The following KCNQ1 variants were observed in gnomAD, a reference collection of about 807,000 sequenced individuals.
KCNQ1 encodes potassium voltage-gated channel subfamily Q member 1.
KCNQ1 carries 49 observed loss-of-function variants against 72.4 expected under a neutral mutation model. The observed-to-expected ratio is 0.68, with a 90% CI of 0.54 to 0.86. The LOEUF (loss-of-function observed/expected upper bound fraction) is 0.86, where lower values mean the gene tolerates loss of function less well. Ranked by LOEUF, KCNQ1 falls within the 40% of genes least tolerant of loss-of-function variation. The pLI is 0.00. For synonymous variants in KCNQ1, 450 were observed against 412.6 expected (o/e 1.09, Z -1.10); for missense variants, 790 against 945.1 (o/e 0.84, Z 2.15).
Position 2,766,830 on chromosome 11 carries a change from T to C in KCNQ1, c.1515-2014T>C, listed in dbSNP as rs1846506485. On this transcript the variant is annotated intron_variant, in intron 11 of 15. Coordinates refer to ENST00000155840, the MANE Select transcript of KCNQ1 (RefSeq NM_000218.3). The surrounding 1 kb of genome is among the most constrained non-coding windows in gnomAD (Gnocchi z 4.4). ...TTACCTATTTCTTAGTCCTTATTTCTGTATCAGTTACCTATTGTTGCGTAG... is the reference window on the plus strand; with the variant it reads ...TTACCTATTTCTTAGTCCTTATTTCCGTATCAGTTACCTATTGTTGCGTAG... Among the ~76,000 whole-genome samples, 1 of 152,250 alleles carries C rather than the reference T, an allele frequency of 6.6e-6. No individual in the cohort carries two copies.
rs231342 is a variant in KCNQ1 at position 2,657,637 on chromosome 11, A to G, written c.1394-4324A>G. The G allele has an allele frequency of 0.11, 43,347 of 398,546 alleles. 2,613 individuals are homozygous for G. The highest frequency in any genetic ancestry group is 0.16 in the Middle Eastern group (253 of 1,588). The allele number at this position is 398,546 out of a possible 1,614,324, so 24.7% of individuals were successfully genotyped here. ...ATTGGTACACTATTAAGCTAGAGTT[A>G]TAAATTTATTTGGATTTCCCCAGTT... is the stretch of plus-strand genomic sequence containing the variant. On this transcript the variant is annotated intron_variant, in intron 10 of 15. Coordinates refer to ENST00000155840, the MANE Select transcript of KCNQ1 (RefSeq NM_000218.3). This position sits in a 1 kb window ranked among gnomAD's most constrained non-coding sequence, Gnocchi z 4.8.
chr11:2,620,219 T>A lies in KCNQ1; in HGVS notation c.1393+31365T>A, dbSNP rs186335747. On this transcript the variant is annotated intron_variant, in intron 10 of 15. Coordinates refer to ENST00000155840, the MANE Select transcript of KCNQ1 (RefSeq NM_000218.3). The surrounding 1 kb of genome is among the most constrained non-coding windows in gnomAD (Gnocchi z 4.5). ...TTCATGTATATATATATATTTTTTT[T>A]TTTTATTTTTTTTTTAGACGGAGTT... 3.2e-3 allele frequency: 881 copies of A among 274,350 alleles called. 3 individuals are homozygous for A. The highest frequency in any genetic ancestry group is 4.0e-3 in the Non-Finnish European group (610 of 153,776). The allele number at this position is 274,350 out of a possible 1,614,324, so 17.0% of individuals were successfully genotyped here. A position where few individuals can be genotyped will look rare whatever the true frequency, so the allele number is the denominator to read the frequency against.
chr11:2,702,951 C>T (rs570526683), intron 11 of KCNQ1, among the ~76,000 whole-genome samples: 129 of 152,348 alleles, frequency 8.5e-4, no homozygotes, highest in African/African-American at 2.9e-3. Flanking sequence ...TGTGTGCCCC[C>T]ACTCCCGCCT....
At chr11:2,814,182 G>GT (rs1368331454) in intron 15 of KCNQ1, among the ~76,000 whole-genome samples, 1 of 143,600 alleles carries the variant, frequency 7.0e-6, no homozygotes, top group African/African-American at 2.9e-5. Context: ...AGATGGTTGA[G>GT]TGGGGGGGTA....
intron 10 of KCNQ1, chr11:2,644,310 A>C (rs1374637239): frequency 5.0e-6 from 2 of 398,212 alleles, no homozygotes; most frequent in East Asian, 7.1e-5. Flanking sequence ...GTCATTTCAA[A>C]AGACTTATCT....
intron 10 of KCNQ1, chr11:2,648,214 G>A: frequency 2.5e-6 from 1 of 398,130 alleles, no homozygotes; most frequent in Non-Finnish European, 4.4e-6. Context: ...CGGGGGGTGG[G>A]GGGGAGGCCT....
rs397508082 is a variant in KCNQ1 at position 2,587,636 on chromosome 11, GC to G, written c.1201del (p.Arg401GlyfsTer18). 1.2e-6 allele frequency: 2 copies of G among 1,613,862 alleles called. No homozygotes were observed. The highest frequency in any genetic ancestry group is 2.2e-5 in the South Asian group (2 of 91,082). On this transcript the variant is annotated frameshift_variant, in exon 9 of 16. Transcript: ENST00000155840. LOFTEE classifies it high-confidence loss of function. ...CACCTGGAAGATCTACATCCGGAAG[GC>G]CCCCCGGAGCCACACTCTGCTGTCA... Reference protein sequence around the residue: ...SSTWKIYIRKAPRSHTLLSPS... With the variant: ...SSTWKIYIRKXPRSHTLLSPS...
In KCNQ1 at chr11:2,620,334, A is replaced by C. The variant is rs574212659; in HGVS notation, c.1393+31480A>C. The stretch of plus-strand genomic sequence containing the variant: ...CGGGTTCAAGTGATTCTCCTGCCTC[A>C]GCCTCCTGAGTAGCTGGGATTAGAG... On this transcript the variant is annotated intron_variant, in intron 10 of 15. Coordinates refer to ENST00000155840, the MANE Select transcript of KCNQ1 (RefSeq NM_000218.3). This position sits in a 1 kb window ranked among gnomAD's most constrained non-coding sequence, Gnocchi z 4.5. The C allele has an allele frequency of 2.5e-5, 5 of 201,360 alleles. No homozygotes were observed. The South Asian group carries it at 9.5e-4, about 38-fold the overall frequency. The allele number at this position is 201,360 out of a possible 1,614,324, so 12.5% of individuals were successfully genotyped here. A position where few individuals can be genotyped will look rare whatever the true frequency, so the allele number is the denominator to read the frequency against.
intron 9 of KCNQ1, 132 bp downstream of exon 9, chr11:2,587,824 G>T: frequency 7.7e-7 from 1 of 1,290,844 alleles, no homozygotes; most frequent in South Asian, 1.2e-5. Flanking sequence ...AGTCAGCATC[G>T]TTCGGGACAC....
intron 15 of KCNQ1, among the ~76,000 whole-genome samples, chr11:2,789,578 A>G (rs1289089704): frequency 6.6e-6 from 1 of 152,218 alleles, no homozygotes; most frequent in East Asian, 1.9e-4. Flanking sequence ...ACGTGATCGC[A>G]TCTCTGTGCA....
chr11:2,764,285 G>A lies in KCNQ1; in HGVS notation c.1515-4559G>A, dbSNP rs1320207544. On this transcript the variant is annotated intron_variant, in intron 11 of 15. Transcript: ENST00000155840. This position sits in a 1 kb window ranked among gnomAD's most constrained non-coding sequence, Gnocchi z 4.8. The stretch of plus-strand genomic sequence containing the variant: ...ATGAACAGGTCTCGCTTTATCAAAT[G>A]CTTTCTTACAATCTGTTGTGTTGAT... Among the ~76,000 whole-genome samples the A allele has an allele frequency of 1.3e-5, 2 of 151,842 alleles. No individual in the cohort carries two copies. The highest frequency in any genetic ancestry group is 2.9e-5 in the Non-Finnish European group (2 of 67,992).
At chr11:2,539,203 C>T (rs749751956) in intron 2 of KCNQ1, among the ~76,000 whole-genome samples, 18 of 152,210 alleles carry the variant, frequency 1.2e-4, no homozygotes, top group South Asian at 2.1e-4. Context: ...CCGCCAGGTG[C>T]GCCCCCTGAA....
intron 15 of KCNQ1, among the ~76,000 whole-genome samples, chr11:2,823,397 C>A (rs1202687865): frequency 6.6e-6 from 1 of 152,166 alleles, no homozygotes; most frequent in Non-Finnish European, 1.5e-5. Context: ...CAAGTCACTG[C>A]AGGAAAAAAG....
chr11:2,678,770 C>T lies in KCNQ1; in HGVS notation c.1514+16689C>T, dbSNP rs1298315364. ...GCTGGGGTGTTTGGGACTGAGGCTT[C>T]ATCGTGGCAGCTAATAATGTCAGGG... On this transcript the variant is annotated intron_variant, in intron 11 of 15. Coordinates refer to ENST00000155840, the MANE Select transcript of KCNQ1 (RefSeq NM_000218.3). The surrounding 1 kb of genome is among the most constrained non-coding windows in gnomAD (Gnocchi z 4.9). 2.5e-6 allele frequency: 1 copy of T among 398,480 alleles called. No individual in the cohort carries two copies. The highest frequency in any genetic ancestry group is 2.1e-5 in the African/African-American group (1 of 48,612). The allele number at this position is 398,480 out of a possible 1,614,324, so 24.7% of individuals were successfully genotyped here. A position where few individuals can be genotyped will look rare whatever the true frequency, so the allele number is the denominator to read the frequency against.
rs778169779 is a variant in KCNQ1 at position 2,543,213 on chromosome 11, T to C, written c.477+15195T>C. On this transcript the variant is annotated intron_variant, in intron 2 of 15. Transcript: ENST00000155840. The surrounding 1 kb of genome is among the most constrained non-coding windows in gnomAD (Gnocchi z 5.6). ...AAGTTCTTTGTATATTCTGGTTACA[T>C]AGATATTTGTTTTACACATGTATTC... Among the ~76,000 whole-genome samples the C allele has an allele frequency of 7.9e-5, 12 of 152,252 alleles. No individual in the cohort carries two copies. The highest frequency in any genetic ancestry group is 1.3e-4 in the Non-Finnish European group (9 of 68,044).
intron 11 of KCNQ1, among the ~76,000 whole-genome samples, chr11:2,756,978 A>AC (rs1234869006): frequency 7.1e-6 from 1 of 141,160 alleles, no homozygotes; most frequent in East Asian, 2.3e-4. Context: ...AAAAAAAAAA[A>AC]AAACCCACAG....
chr11:2,494,507 T>A lies in KCNQ1; in HGVS notation c.387-33421T>A, dbSNP rs914417348. The stretch of plus-strand genomic sequence containing the variant: ...TTTGTCATAAATAGCTCTTGTTATT[T>A]TGAGATATGTTCCATCAATTCCTAG... On this transcript the variant is annotated intron_variant, in intron 1 of 15. Coordinates refer to ENST00000155840, the MANE Select transcript of KCNQ1 (RefSeq NM_000218.3). The surrounding 1 kb of genome is among the most constrained non-coding windows in gnomAD (Gnocchi z 4.6). Among the ~76,000 whole-genome samples the A allele has an allele frequency of 1.1e-4, 16 of 152,190 alleles. No homozygotes were observed. Among genetic ancestry groups the A allele is most frequent in the African/African-American group, 3.9e-4 (16 of 41,438 alleles).
chr11:2,699,611 C>CGG (rs1590040125), intron 11 of KCNQ1: 1 of 349,884 alleles, frequency 2.9e-6, no homozygotes, highest in East Asian at 4.5e-5. Context: ...GAGAGGCCCC[C>CGG]GGAGAGAACC....
Position 2,471,927 on chromosome 11 carries a change from C to T in KCNQ1, c.386+26443C>T, listed in dbSNP as rs1253890867. On this transcript the variant is annotated intron_variant, in intron 1 of 15. Transcript: ENST00000155840. The surrounding 1 kb of genome is among the most constrained non-coding windows in gnomAD (Gnocchi z 4.8). ...ATGCGTGCACCTATGTGTGTATAGG[C>T]GTGTATGTGTGCGCGTGTGTAGGTG... Among the ~76,000 whole-genome samples the T allele has an allele frequency of 5.8e-5, 8 of 138,204 alleles. No homozygotes were observed. Among genetic ancestry groups the T allele is most frequent in the East Asian group, 2.2e-4 (1 of 4,452 alleles). The allele number at this position is 138,204 out of a possible 152,430, so 90.7% of individuals were successfully genotyped here.
Sources: gnomAD v4.1 joint callset for allele counts (sites outside exome capture counted in the v4.1 genomes callset) on GRCh38, gnomAD v4.1.1 for gene constraint, Gnocchi (gnomAD v3.1) non-coding constraint, MANE v1.5 for transcripts, NCBI Gene and HGNC (gene_info 2026-07-23, HGNC 2026-07-21) for gene names.